The following SH3RF1 variants were observed in gnomAD, a reference collection of about 807,000 sequenced individuals.
SH3RF1 encodes the protein SH3 domain containing ring finger 1.
SH3RF1 carries 32 observed loss-of-function variants against 74.0 expected under a neutral mutation model. That is an observed-to-expected ratio of 0.43 (90% CI 0.33 to 0.58). SH3RF1 has a LOEUF of 0.58. Among genes scored for constraint, SH3RF1 ranks in the 20% least tolerant of loss-of-function variants. The pLI, the probability that SH3RF1 is intolerant of heterozygous loss-of-function variation, is 0.05. For synonymous variants in SH3RF1, 396 were observed against 439.6 expected (o/e 0.90, Z 1.24); for missense variants, 954 against 1,130.9 (o/e 0.84, Z 2.24).
chr4:169,175,352 C>G (rs1018050032), intron 2 of SH3RF1, among the ~76,000 whole-genome samples: 1 of 152,164 alleles, frequency 6.6e-6, no homozygotes, highest in Admixed American at 6.5e-5. Context: ...GCTCCCAAGG[C>G]TTTCTATCAT....
intron 2 of SH3RF1, among the ~76,000 whole-genome samples, chr4:169,258,535 A>T (rs1393189179): frequency 6.6e-6 from 1 of 152,240 alleles, no homozygotes; most frequent in Admixed American, 6.5e-5. Flanking sequence ...TCTACCAAAG[A>T]TGGCAAAAAT....
intron 2 of SH3RF1, among the ~76,000 whole-genome samples, chr4:169,262,241 T>A (rs1268511444): frequency 6.6e-6 from 1 of 152,192 alleles, no homozygotes; most frequent in Non-Finnish European, 1.5e-5. Flanking sequence ...CATACACATA[T>A]AAATGTATAT....
chr4:169,118,856 T>C (rs1733388283), intron 8 of SH3RF1, among the ~76,000 whole-genome samples: 1 of 152,236 alleles, frequency 6.6e-6, no homozygotes, highest in Non-Finnish European at 1.5e-5. Flanking sequence ...GTATTCATCC[T>C]GTATTTGCAC....
chr4:169,167,340 G>A (rs1473827543), intron 2 of SH3RF1, among the ~76,000 whole-genome samples: 1 of 152,124 alleles, frequency 6.6e-6, no homozygotes, highest in African/African-American at 2.4e-5. Context: ...AAAATGTGGA[G>A]CAACTAGAAT....
At chr4:169,205,814 T>C (rs1397318769) in intron 2 of SH3RF1, among the ~76,000 whole-genome samples, 1 of 152,126 alleles carries the variant, frequency 6.6e-6, no homozygotes, top group Non-Finnish European at 1.5e-5. Flanking sequence ...CAACCACAGA[T>C]ATAGACATGT....
At chr4:169,100,745 T>C (rs1733007296) in intron 11 of SH3RF1, among the ~76,000 whole-genome samples, 1 of 152,236 alleles carries the variant, frequency 6.6e-6, no homozygotes, top group Non-Finnish European at 1.5e-5. Flanking sequence ...CTCAGCCTGG[T>C]ATGCGAAGCC....
In SH3RF1 at chr4:169,269,033, G is replaced by C; in HGVS notation, c.180C>G (p.Val60=). Reference sequence around the variant, plus strand: ...GCAAGATGTTACTGGGAAGCTCCTCGACACCCGAGCCAACAAGAGTCCTGC... The same window carrying C: ...GCAAGATGTTACTGGGAAGCTCCTCCACACCCGAGCCAACAAGAGTCCTGC... The part of the protein sequence containing the change: ...PECRTLVGSG[V]EELPSNILLV... The change falls in exon 2 of 12, where the codon GTC becomes GTG. Residue 60 remains valine (V), a synonymous_variant. Coordinates refer to ENST00000284637, the MANE Select transcript of SH3RF1 (RefSeq NM_020870.4). 1.2e-6 allele frequency: 2 copies of C among 1,614,070 alleles called. No individual in the cohort carries two copies. Among genetic ancestry groups the C allele is most frequent in the Non-Finnish European group, 1.7e-6 (2 of 1,180,018 alleles).
chr4:169,113,193 C>T (rs1733269223), intron 10 of SH3RF1, among the ~76,000 whole-genome samples: 1 of 151,626 alleles, frequency 6.6e-6, no homozygotes, highest in African/African-American at 2.4e-5. Context: ...TCACTGCAAC[C>T]TCCGACTCCC....
chr4:169,205,677 A>C (rs1487623124), intron 2 of SH3RF1, among the ~76,000 whole-genome samples: 3 of 152,194 alleles, frequency 2.0e-5, no homozygotes, highest in Non-Finnish European at 4.4e-5. Context: ...CCAATGAATG[A>C]CGTTAGCAGG....
intron 9 of SH3RF1, among the ~76,000 whole-genome samples, chr4:169,116,955 C>T (rs535331570): frequency 6.6e-6 from 1 of 152,164 alleles, no homozygotes; most frequent in Non-Finnish European, 1.5e-5. Context: ...CAGTGTCAAG[C>T]GATGTCTCCC....
intron 2 of SH3RF1, among the ~76,000 whole-genome samples, chr4:169,203,278 C>T (rs1006500807): frequency 2.0e-5 from 3 of 152,146 alleles, no homozygotes; most frequent in African/African-American, 4.8e-5. Flanking sequence ...TGGCCAAGCA[C>T]GGTGGCTTAT....
intron 6 of SH3RF1, among the ~76,000 whole-genome samples, chr4:169,129,694 T>C (rs2126950643): frequency 6.6e-6 from 1 of 152,340 alleles, no homozygotes; most frequent in African/African-American, 2.4e-5. Context: ...ACCTGCTTCC[T>C]TAGTATTTTC....
At chr4:169,146,168 C>T (rs1733887539) in intron 4 of SH3RF1, among the ~76,000 whole-genome samples, 1 of 137,644 alleles carries the variant, frequency 7.3e-6, no homozygotes, top group Non-Finnish European at 1.5e-5. Context: ...TATTATATAT[C>T]TATATATTAT....
At chr4:169,237,879 G>A (rs574402820) in intron 2 of SH3RF1, among the ~76,000 whole-genome samples, 30 of 151,894 alleles carry the variant, frequency 2.0e-4, no homozygotes, top group East Asian at 3.9e-4. Context: ...TTTCCCCCCC[G>A]CTCCACACCC....
chr4:169,214,187 G>A (rs934418043), intron 2 of SH3RF1, among the ~76,000 whole-genome samples: 4 of 152,164 alleles, frequency 2.6e-5, no homozygotes, highest in African/African-American at 7.2e-5. Context: ...GCAATAATGA[G>A]TGAGCTCTCA....
intron 2 of SH3RF1, among the ~76,000 whole-genome samples, chr4:169,181,989 T>C (rs1227667503): frequency 1.3e-5 from 2 of 152,238 alleles, no homozygotes; most frequent in Non-Finnish European, 2.9e-5. Flanking sequence ...AGAGAAACCA[T>C]ATTTGTTTTA....
At chr4:169,118,545 T>C (rs1298487148) in intron 8 of SH3RF1, among the ~76,000 whole-genome samples, 1 of 152,110 alleles carries the variant, frequency 6.6e-6, no homozygotes, top group African/African-American at 2.4e-5. Flanking sequence ...CCCCTCTGCC[T>C]CTCAGGTTCA....
Position 169,189,558 on chromosome 4 carries a change from T to A in SH3RF1, c.394-32879A>T, listed in dbSNP as rs1734664954. 2.6e-5 allele frequency among the ~76,000 whole-genome samples: 4 copies of A among 152,198 alleles called. No individual in the cohort carries two copies. The South Asian group carries it at 8.3e-4, about 32-fold the overall frequency. ...ACTCCTCTACAGATCTTTCAAATCA[T>A]AAAGTTTCTGTTGCCACGGCTATCA... is the stretch of plus-strand genomic sequence containing the variant. On this transcript the variant is annotated intron_variant, in intron 2 of 11. Transcript: ENST00000284637.
intron 8 of SH3RF1, among the ~76,000 whole-genome samples, chr4:169,120,371 T>G (rs1184862380): frequency 1.3e-5 from 2 of 152,258 alleles, no homozygotes; most frequent in Admixed American, 1.3e-4. Context: ...ACAAGCTGTA[T>G]GATATCTCTG....
Sources: gnomAD v4.1 joint callset for allele counts (sites outside exome capture counted in the v4.1 genomes callset) on GRCh38, gnomAD v4.1.1 for gene constraint, MANE v1.5 for transcripts, NCBI Gene and HGNC (gene_info 2026-07-23, HGNC 2026-07-21) for gene names.